PTPRT: variants seen among roughly 807,000 people sequenced by gnomAD.
The protein encoded by PTPRT is receptor-type tyrosine-protein phosphatase T.
PTPRT carries 56 observed loss-of-function variants against 176.8 expected under a neutral mutation model. The observed-to-expected ratio is 0.32, with a 90% CI of 0.26 to 0.40. The LOEUF is 0.40. PTPRT is among the 10% of genes least tolerant of loss of function. The pLI is 1.00. For missense variants in PTPRT, 1,540 were observed against 1,908.2 expected (o/e 0.81, Z 3.60); for synonymous variants, 783 against 739.0 (o/e 1.06, Z -0.96).
chr20:42,605,470 G>A (rs2073860123), intron 7 of PTPRT, among the ~76,000 whole-genome samples: 1 of 152,222 alleles, frequency 6.6e-6, no homozygotes, highest in Non-Finnish European at 1.5e-5. Flanking sequence ...CGTCTCCGCA[G>A]AAAGGTCAAG....
At chr20:42,372,111 A>G (rs973597881) in intron 9 of PTPRT, among the ~76,000 whole-genome samples, 18 of 152,140 alleles carry the variant, frequency 1.2e-4, no homozygotes, top group African/African-American at 4.3e-4. Context: ...AAGATGTAAT[A>G]AAAGCATGAA....
intron 7 of PTPRT, among the ~76,000 whole-genome samples, chr20:42,620,136 TG>T (rs1289940099): frequency 3.4e-5 from 5 of 147,776 alleles, no homozygotes; most frequent in African/African-American, 1.3e-4. Flanking sequence ...ATGTCCTTTC[TG>T]TTTGTTAGTT....
chr20:42,678,454 C>A (rs1458515517), intron 6 of PTPRT, among the ~76,000 whole-genome samples: 1 of 152,034 alleles, frequency 6.6e-6, no homozygotes, highest in African/African-American at 2.4e-5. Context: ...GCACCTGCCA[C>A]CACGGCTGGT....
chr20:42,667,799 G>T (rs1206932115), intron 7 of PTPRT, among the ~76,000 whole-genome samples: 1 of 152,138 alleles, frequency 6.6e-6, no homozygotes. Flanking sequence ...CTTCCTCAGG[G>T]TGCCACTTTG....
At chr20:42,701,505 C>T (rs1017845140) in intron 6 of PTPRT, among the ~76,000 whole-genome samples, 1 of 152,154 alleles carries the variant, frequency 6.6e-6, no homozygotes, top group African/African-American at 2.4e-5. Context: ...ATATGCTCAA[C>T]CTCACAGAGC....
rs1416337678 is a variant in PTPRT, at chr20:42,956,120, G to GACT, written c.89-70189_89-70188insAGT. 2.6e-5 allele frequency among the ~76,000 whole-genome samples: 4 copies of GACT among 152,308 alleles called. No homozygotes were observed. The South Asian group carries it at 8.3e-4, about 32-fold the overall frequency. On this transcript the variant is annotated intron_variant, in intron 1 of 30. Coordinates refer to ENST00000373187, the MANE Select transcript of PTPRT (RefSeq NM_007050.6). ...GGTTGTGACACTCAAGCTCCTCCAT[G>GACT]CAGTCGTTGGAAAAGCCAGATCCTA...
At chr20:43,114,396 G>C (rs980429296) in intron 1 of PTPRT, among the ~76,000 whole-genome samples, 2 of 152,024 alleles carry the variant, frequency 1.3e-5, no homozygotes, top group African/African-American at 4.8e-5. Flanking sequence ...TTGTACCCCA[G>C]TTTTCTCATC....
intron 7 of PTPRT, among the ~76,000 whole-genome samples, chr20:42,606,213 CA>C (rs1454726060): frequency 6.6e-6 from 1 of 151,318 alleles, no homozygotes; most frequent in South Asian, 2.1e-4. Flanking sequence ...CCTTCCACCC[CA>C]AGATAAATAG....
chr20:43,063,526 C>G (rs1268771848), intron 1 of PTPRT: 1 of 152,088 alleles, frequency 6.6e-6, no homozygotes, highest in Non-Finnish European at 1.5e-5. Flanking sequence ...AAGGGTATAC[C>G]AATATCTGCG....
intron 1 of PTPRT, among the ~76,000 whole-genome samples, chr20:43,071,750 A>C (rs1013836950): frequency 6.6e-6 from 1 of 152,200 alleles, no homozygotes; most frequent in Non-Finnish European, 1.5e-5. Flanking sequence ...GTGCCATTGC[A>C]CTCCAGCCTG....
chr20:42,654,165 C>T (rs935637557), intron 7 of PTPRT, among the ~76,000 whole-genome samples: 4 of 151,958 alleles, frequency 2.6e-5, no homozygotes, highest in African/African-American at 9.7e-5. Context: ...AGAAATCAGG[C>T]TAGGTTTGGT....
chr20:42,061,665 A>G, the PTPRT span, among the ~76,000 whole-genome samples: 2 of 152,200 alleles, frequency 1.3e-5, no homozygotes, highest in African/African-American at 4.8e-5. Flanking sequence ...AAACCCTATC[A>G]ACATCTGGGA....
intron 2 of PTPRT, among the ~76,000 whole-genome samples, chr20:42,870,936 C>T (rs1299718560): frequency 2.0e-5 from 3 of 150,574 alleles, no homozygotes; most frequent in Non-Finnish European, 4.4e-5. Context: ...ATTAGTGATG[C>T]TAAACATATT....
At chr20:42,714,505 A>G (rs1201416790) in intron 6 of PTPRT, among the ~76,000 whole-genome samples, 2 of 152,216 alleles carry the variant, frequency 1.3e-5, no homozygotes, top group Non-Finnish European at 2.9e-5. Context: ...TATGTAGCAG[A>G]CAAAAAGGTG....
chr20:42,221,824 T>A (rs2055893984), intron 15 of PTPRT, among the ~76,000 whole-genome samples: 1 of 152,070 alleles, frequency 6.6e-6, no homozygotes, highest in South Asian at 2.1e-4. Context: ...TGGCCAAAAC[T>A]GCGACTTTTA....
chr20:42,837,688 T>C (rs1198965914), intron 2 of PTPRT, among the ~76,000 whole-genome samples: 4 of 152,214 alleles, frequency 2.6e-5, no homozygotes, highest in Non-Finnish European at 4.4e-5. Flanking sequence ...CCTCAGAGCC[T>C]ATTCCAGTGC....
Position 42,234,415 on chromosome 20 carries a change from C to T in PTPRT, c.2342+1814G>A, listed in dbSNP as rs375424338. Among the ~76,000 whole-genome samples, 4 of 152,218 alleles carry T rather than the reference C, an allele frequency of 2.6e-5. No individual in the cohort carries two copies. The East Asian group carries it at 7.7e-4, about 29-fold the overall frequency. ...AGCTGCGTCACTCCTGAAGCTCATTCTCTTTCCACCATAGCAATGACACAC... is the reference window on the plus strand; with the variant it reads ...AGCTGCGTCACTCCTGAAGCTCATTTTCTTTCCACCATAGCAATGACACAC... On this transcript the variant is annotated intron_variant, in intron 15 of 30. Transcript: ENST00000373187.
chr20:42,822,478 GA>G (rs1322616596), intron 2 of PTPRT, among the ~76,000 whole-genome samples: 1 of 152,082 alleles, frequency 6.6e-6, no homozygotes, highest in Admixed American at 6.5e-5. Flanking sequence ...TACCATTCAG[GA>G]CATAGGCATG....
intron 11 of PTPRT, among the ~76,000 whole-genome samples, chr20:42,324,462 T>C (rs1292923003): frequency 1.3e-5 from 2 of 152,216 alleles, no homozygotes; most frequent in Non-Finnish European, 1.5e-5. Flanking sequence ...TGCACGATCC[T>C]ATACATTTAC....
Sources: allele counts gnomAD v4.1 joint callset (sites outside exome capture counted in the v4.1 genomes callset), GRCh38; gene constraint gnomAD v4.1.1; transcripts MANE v1.5; gene names NCBI Gene and HGNC (gene_info 2026-07-23, HGNC 2026-07-21).